NRXN1: variants seen among roughly 807,000 people sequenced by gnomAD.
The protein encoded by NRXN1 is neurexin 1.
NRXN1 carries 39 observed loss-of-function variants against 150.9 expected under a neutral mutation model. The observed-to-expected ratio is 0.26, with a 90% CI of 0.20 to 0.34. The LOEUF (loss-of-function observed/expected upper bound fraction) is 0.34. NRXN1 is among the 10% of genes least tolerant of loss of function. The pLI, the probability that NRXN1 is intolerant of heterozygous loss-of-function variation, is 1.00. For synonymous variants in NRXN1, 924 were observed against 757.0 expected (o/e 1.22, Z -3.62); for missense variants, 1,815 against 1,949.9 (o/e 0.93, Z 1.30).
chr2:50,085,652 GGTTAT>G (rs1235803832), intron 19 of NRXN1, among the ~76,000 whole-genome samples: 1 of 150,500 alleles, frequency 6.6e-6, no homozygotes, highest in African/African-American at 2.4e-5. Flanking sequence ...AACAAAATAT[GGTTAT>G]TATAAGATAA....
chr2:50,986,991 A>G (rs1697826461), intron 2 of NRXN1, among the ~76,000 whole-genome samples: 1 of 151,900 alleles, frequency 6.6e-6, no homozygotes, highest in South Asian at 2.1e-4. Context: ...ACTCTTTTCC[A>G]TTTCACAATA....
intron 17 of NRXN1, among the ~76,000 whole-genome samples, chr2:50,438,757 G>T (rs911694145): frequency 6.6e-6 from 1 of 152,166 alleles, no homozygotes; most frequent in Non-Finnish European, 1.5e-5. Context: ...AGGGTCTAAT[G>T]CTTCTCCCCA....
intron 2 of NRXN1, among the ~76,000 whole-genome samples, chr2:51,001,689 T>C (rs1281529121): frequency 1.3e-5 from 2 of 151,996 alleles, no homozygotes; most frequent in Non-Finnish European, 2.9e-5. Context: ...TTTTAAAAAA[T>C]ATCAGCAACT....
intron 17 of NRXN1, among the ~76,000 whole-genome samples, chr2:50,319,547 A>T (rs1178994978): frequency 6.6e-6 from 1 of 152,098 alleles, no homozygotes; most frequent in Non-Finnish European, 1.5e-5. Flanking sequence ...TTTCTGAACT[A>T]ATTTCTGAGA....
chr2:50,518,642 C>T (rs552849152), intron 12 of NRXN1, among the ~76,000 whole-genome samples: 1 of 56,412 alleles, frequency 1.8e-5, no homozygotes, highest in South Asian at 7.2e-4. Context: ...ATTATAGTCA[C>T]AAATGCATTT....
chr2:50,037,891 ATT>A (rs1213899274), intron 21 of NRXN1, among the ~76,000 whole-genome samples: 1 of 152,184 alleles, frequency 6.6e-6, no homozygotes, highest in African/African-American at 2.4e-5. Flanking sequence ...ACTCCAATGC[ATT>A]GTTTTTTTCA....
At chr2:50,576,104 G>T (rs1033665922) in intron 8 of NRXN1, among the ~76,000 whole-genome samples, 2 of 152,108 alleles carry the variant, frequency 1.3e-5, no homozygotes, top group African/African-American at 4.8e-5. Context: ...AACTTCACTA[G>T]ATTCATTTGA....
chr2:51,010,250 T>C (rs988636713), intron 2 of NRXN1, among the ~76,000 whole-genome samples: 1 of 152,022 alleles, frequency 6.6e-6, no homozygotes, highest in Admixed American at 6.6e-5. Context: ...ACAATTTAAA[T>C]ATGTTTTTTC....
At chr2:50,394,595 C>T (rs534598249) in intron 17 of NRXN1, among the ~76,000 whole-genome samples, 1 of 152,224 alleles carries the variant, frequency 6.6e-6, no homozygotes, top group South Asian at 2.1e-4. Flanking sequence ...TAAGCCACCA[C>T]TGTCTCTTTT....
intron 2 of NRXN1, among the ~76,000 whole-genome samples, chr2:50,955,105 C>T (rs968213859): frequency 2.6e-5 from 4 of 152,136 alleles, no homozygotes; most frequent in Non-Finnish European, 4.4e-5. Flanking sequence ...CACACGCACA[C>T]ACAAACTCTT....
chr2:50,393,899 A>G (rs565810980), intron 17 of NRXN1, among the ~76,000 whole-genome samples: 2 of 152,286 alleles, frequency 1.3e-5, no homozygotes, highest in South Asian at 2.1e-4. Flanking sequence ...ATCTCCAGAG[A>G]GAAGCCACTT....
At chr2:50,571,221 G>A (rs1451704144) in intron 8 of NRXN1, among the ~76,000 whole-genome samples, 1 of 152,100 alleles carries the variant, frequency 6.6e-6, no homozygotes, top group Non-Finnish European at 1.5e-5. Context: ...ATGCTTAAGT[G>A]AACACAAGAA....
rs2113406 is a variant in NRXN1 at position 50,631,113 on chromosome 2, G to C, written c.833-7498C>G. 4.1e-3 allele frequency: 1,834 copies of C among 447,186 alleles called. 30 individuals are homozygous for C. The highest frequency in any genetic ancestry group is 0.035 in the African/African-American group (1,667 of 48,148). The allele number at this position is 447,186 out of a possible 1,614,324, so 27.7% of individuals were successfully genotyped here. A position where few individuals can be genotyped will look rare whatever the true frequency, so the allele number is the denominator to read the frequency against. On this transcript the variant is annotated intron_variant, in intron 5 of 22. Transcript: ENST00000401669. ...TAAAAATCACATTACTTTCAAGGGA[G>C]AGTAGTTCACTCATTAGATTTTCTA...
At chr2:50,554,892 G>C (rs1668009813) in intron 8 of NRXN1, among the ~76,000 whole-genome samples, 1 of 151,980 alleles carries the variant, frequency 6.6e-6, no homozygotes, top group Non-Finnish European at 1.5e-5. Context: ...AGCATCTATT[G>C]ACAACAAAAG....
intron 18 of NRXN1, among the ~76,000 whole-genome samples, chr2:50,171,643 T>C (rs1412587164): frequency 6.6e-6 from 1 of 152,110 alleles, no homozygotes; most frequent in African/African-American, 2.4e-5. Flanking sequence ...TCTACTTAGA[T>C]GCCACAAAAA....
intron 5 of NRXN1, among the ~76,000 whole-genome samples, chr2:50,700,880 A>G (rs1693639620): frequency 6.6e-6 from 1 of 150,792 alleles, no homozygotes; most frequent in African/African-American, 2.4e-5. Flanking sequence ...GTTAGCCAGG[A>G]TGGTCTCAGT....
intron 2 of NRXN1, among the ~76,000 whole-genome samples, chr2:50,955,869 C>T: frequency 6.6e-6 from 1 of 152,134 alleles, no homozygotes; most frequent in South Asian, 2.1e-4. Context: ...AATTATACAG[C>T]CTCTCCAACA....
At chr2:51,020,959 T>C (rs956170997) in intron 2 of NRXN1, among the ~76,000 whole-genome samples, 7 of 151,940 alleles carry the variant, frequency 4.6e-5, no homozygotes, top group African/African-American at 1.7e-4. Flanking sequence ...CTAAAGCAAC[T>C]GGCCAAAATT....
At chr2:50,383,812 G>A (rs1404791279) in intron 17 of NRXN1, among the ~76,000 whole-genome samples, 2 of 152,026 alleles carry the variant, frequency 1.3e-5, no homozygotes, top group African/African-American at 4.8e-5. Flanking sequence ...AGTTTATGCT[G>A]CTATGATTCT....
Sources: allele counts gnomAD v4.1 joint callset (sites outside exome capture counted in the v4.1 genomes callset), GRCh38; gene constraint gnomAD v4.1.1; transcripts MANE v1.5; gene names NCBI Gene and HGNC (gene_info 2026-07-23, HGNC 2026-07-21).